Variants in GALNT10 observed in about 807,000 individuals in gnomAD.
GALNT10 encodes the protein polypeptide N-acetylgalactosaminyltransferase 10, also known as GalNAc transferase 10.
GALNT10 carries 41 observed loss-of-function variants against 75.0 expected under a neutral mutation model. That is an observed-to-expected ratio of 0.55 (90% CI 0.43 to 0.71). GALNT10 has a LOEUF of 0.71. Among genes scored for constraint, GALNT10 ranks in the 30% least tolerant of loss-of-function variants. GALNT10 has a pLI of 0.00. For synonymous variants in GALNT10, 302 were observed against 313.0 expected (o/e 0.96, Z 0.37); for missense variants, 727 against 818.5 (o/e 0.89, Z 1.36).
At chr5:154,294,971 T>A in intron 2 of GALNT10, 53 bp downstream of exon 2, 1 of 833,218 alleles carries the variant, frequency 1.2e-6, no homozygotes, top group Non-Finnish European at 2.1e-6. Flanking sequence ...CATATGCACA[T>A]ATGCTTGTGT....
intron 1 of GALNT10, among the ~76,000 whole-genome samples, chr5:154,210,990 A>T (rs1775187799): frequency 6.6e-6 from 1 of 152,246 alleles, no homozygotes; most frequent in Non-Finnish European, 1.5e-5. Context: ...GATAAAACAG[A>T]TGTGGAGAAT....
At chr5:154,398,999 C>G (rs371953800) in intron 7 of GALNT10, among the ~76,000 whole-genome samples, 1 of 152,172 alleles carries the variant, frequency 6.6e-6, no homozygotes, top group South Asian at 2.1e-4. Context: ...TCTCTAAGAG[C>G]CAGGTACCAA....
In GALNT10 at chr5:154,198,203, C is replaced by T. The variant is rs140616645; in HGVS notation, c.159+7178C>T. 3.5e-4 allele frequency among the ~76,000 whole-genome samples: 54 copies of T among 152,320 alleles called. 1 individual carries two copies. The East Asian group carries it at 9.5e-3, about 27-fold the overall frequency. On this transcript the variant is annotated intron_variant, in intron 1 of 11. Transcript: ENST00000297107. ...AGCTTTGGAGCTACACTGCCTGATT[C>T]AAAACCCGAGGCTTGGGCAAGCTTG...
chr5:154,380,040 G>A (rs991728821), intron 5 of GALNT10, among the ~76,000 whole-genome samples: 5 of 152,176 alleles, frequency 3.3e-5, no homozygotes, highest in East Asian at 1.9e-4. Flanking sequence ...GAGGAGCCTC[G>A]CAGGACTAGA....
intron 1 of GALNT10, among the ~76,000 whole-genome samples, chr5:154,228,825 G>A (rs1753103410): frequency 6.6e-6 from 1 of 152,168 alleles, no homozygotes; most frequent in Non-Finnish European, 1.5e-5. Context: ...TTTAGTAAAC[G>A]CCCTCAAAAT....
At position 154,416,072 on chromosome 5, in the gene GALNT10, T is replaced by C; in HGVS notation, c.1653+140T>C. 1 of 727,532 alleles carries C rather than the reference T, an allele frequency of 1.4e-6. No individual in the cohort carries two copies. Among genetic ancestry groups the C allele is most frequent in the Non-Finnish European group, 2.3e-6 (1 of 443,698 alleles). The allele number at this position is 727,532 out of a possible 1,614,324, so 45.1% of individuals were successfully genotyped here. A position where few individuals can be genotyped will look rare whatever the true frequency, so the allele number is the denominator to read the frequency against. ...CTACCATGCCGGATTTTGTAGTCAT[T>C]CAAGAGTAGTCAGAAATCTAGACTT... is the stretch of plus-strand genomic sequence containing the variant. On this transcript the variant is annotated intron_variant, in intron 11 of 11. Transcript: ENST00000297107. This position sits in a 1 kb window ranked among gnomAD's most constrained non-coding sequence, Gnocchi z 4.5.
Position 154,294,812 on chromosome 5 carries a change from T to A in GALNT10, c.160-4T>A. ...ATTTTTCATAGTTTTTGTCTTTTTTTAAGGGCTCACACAGTCGACAAAAGA... is the reference window on the plus strand; with the variant it reads ...ATTTTTCATAGTTTTTGTCTTTTTTAAAGGGCTCACACAGTCGACAAAAGA... On this transcript the variant is annotated splice_polypyrimidine_tract_variant and splice_region_variant and intron_variant, in intron 1 of 11. Coordinates refer to ENST00000297107, the MANE Select transcript of GALNT10 (RefSeq NM_198321.4). 6.6e-7 allele frequency: 1 copy of A among 1,520,208 alleles called. No homozygotes were observed. The highest frequency in any genetic ancestry group is 9.1e-7 in the Non-Finnish European group (1 of 1,094,996). 94.2% of individuals were successfully genotyped at this position (1,520,208 alleles called of 1,614,324 possible). A position where few individuals can be genotyped will look rare whatever the true frequency, so the allele number is the denominator to read the frequency against.
intron 3 of GALNT10, among the ~76,000 whole-genome samples, chr5:154,313,036 C>T (rs1015124478): frequency 1.3e-5 from 2 of 152,126 alleles, no homozygotes; most frequent in Non-Finnish European, 2.9e-5. Flanking sequence ...AGGCTGGGTG[C>T]GGTGGCTCAT....
chr5:154,337,534 G>A, intron 4 of GALNT10: 1 of 746,696 alleles, frequency 1.3e-6, no homozygotes, highest in Middle Eastern at 3.7e-4. Flanking sequence ...TGGTTTCATG[G>A]TTTGGCGAAG....
chr5:154,390,760 C>G (rs532231070), intron 7 of GALNT10, among the ~76,000 whole-genome samples: 8 of 152,224 alleles, frequency 5.3e-5, no homozygotes, highest in Non-Finnish European at 1.0e-4. Context: ...AAAGGAATTT[C>G]TAAACCAGCC....
In GALNT10 at chr5:154,415,928, G is replaced by C. The variant is rs145995359; in HGVS notation, c.1649G>C (p.Arg550Pro). ...SMKGNQLWKY[R>P]KDKTLYHPVS... ...AAGGGCAACCAGCTGTGGAAATACC[G>C]CAAAGTAAGATGGGATGCGGGGGGA... Residue 550 changes from arginine to proline, a missense_variant, in exon 11 of 12, where the codon CGC becomes CCC. Physicochemically the swap from Arg to Pro is moderately radical, Grantham distance 103. Transcript: ENST00000297107. The C allele has an allele frequency of 1.1e-5, 17 of 1,613,888 alleles. No homozygotes were observed. In the African/African-American group the frequency reaches 2.1e-4, roughly 20 times the overall value.
At chr5:154,281,435 A>C (rs1257264013) in intron 1 of GALNT10, among the ~76,000 whole-genome samples, 3 of 152,212 alleles carry the variant, frequency 2.0e-5, no homozygotes, top group Non-Finnish European at 4.4e-5. Flanking sequence ...CAGCTCTACT[A>C]GCTTTTTTGT....
At chr5:154,261,021 C>T (rs1753691256) in intron 1 of GALNT10, among the ~76,000 whole-genome samples, 1 of 151,928 alleles carries the variant, frequency 6.6e-6, no homozygotes, top group African/African-American at 2.4e-5. Context: ...TATGGGATAG[C>T]CCTATTAACT....
rs139316988 is a variant in GALNT10, at chr5:154,323,824, C to T, written c.402-5748C>T. Among the ~76,000 whole-genome samples the T allele has an allele frequency of 1.8e-4, 27 of 152,238 alleles. 1 individual carries two copies. The highest frequency in any genetic ancestry group is 2.8e-4 in the Non-Finnish European group (19 of 68,044). On this transcript the variant is annotated intron_variant, in intron 3 of 11. Coordinates refer to ENST00000297107, the MANE Select transcript of GALNT10 (RefSeq NM_198321.4). ...GGCAGGCAGAATGCTGCTACCACCC[C>T]CTACGATGTTCAGTGCTTCAAGCCC...
Position 154,219,836 on chromosome 5 carries a change from T to TCACACACA in GALNT10, c.159+28812_159+28813insACACACAC, listed in dbSNP as rs1192106045. 2.8e-3 allele frequency among the ~76,000 whole-genome samples: 370 copies of TCACACACA among 134,282 alleles called. 2 individuals are homozygous for TCACACACA. The highest frequency in any genetic ancestry group is 0.01 in the African/African-American group (345 of 33,738). 88.1% of individuals were successfully genotyped at this position (134,282 alleles called of 152,430 possible). On this transcript the variant is annotated intron_variant, in intron 1 of 11. Coordinates refer to ENST00000297107, the MANE Select transcript of GALNT10 (RefSeq NM_198321.4). ...CGCTCTCTCTCTCTCTCTCTCTCTC[T>TCACACACA]CTCACACACACACACACACACACAC...
intron 1 of GALNT10, among the ~76,000 whole-genome samples, chr5:154,230,049 GC>G (rs77671630): frequency 0.4 from 60,194 of 151,676 alleles, 13,077 homozygotes; most frequent in East Asian, 0.83. Context: ...TGGGAAAAAG[GC>G]AGTGTTCCCA....
intron 10 of GALNT10, among the ~76,000 whole-genome samples, chr5:154,413,285 G>A (rs2113225652): frequency 6.6e-6 from 1 of 152,350 alleles, no homozygotes; most frequent in Non-Finnish European, 1.5e-5. Flanking sequence ...TCCCTGAAAA[G>A]CCTTGATGAT....
At chr5:154,200,290 G>A (rs550868895) in intron 1 of GALNT10, among the ~76,000 whole-genome samples, 16 of 152,282 alleles carry the variant, frequency 1.1e-4, no homozygotes, top group African/African-American at 3.4e-4. Flanking sequence ...AGCCCAGTTC[G>A]CCAGGGTTCT....
In GALNT10 at chr5:154,359,289, A is replaced by T. The variant is rs115758989; in HGVS notation, c.569-16988A>T. Among the ~76,000 whole-genome samples, 1,453 of 152,112 alleles carry T rather than the reference A, an allele frequency of 9.6e-3. 32 individuals are homozygous for T. Among genetic ancestry groups the T allele is most frequent in the African/African-American group, 0.033 (1,362 of 41,480 alleles). ...TGTGTGAGTTAAACAAGCCCTCTCC[A>T]CTCAGACCAGCTGGGCAGGAGTGTT... On this transcript the variant is annotated intron_variant, in intron 4 of 11. Coordinates refer to ENST00000297107, the MANE Select transcript of GALNT10 (RefSeq NM_198321.4).
Sources: gnomAD v4.1 joint callset for allele counts (sites outside exome capture counted in the v4.1 genomes callset) on GRCh38, gnomAD v4.1.1 for gene constraint, Gnocchi (gnomAD v3.1) non-coding constraint, MANE v1.5 for transcripts, NCBI Gene and HGNC (gene_info 2026-07-23, HGNC 2026-07-21) for gene names.